Variants in RTN1 observed in about 807,000 individuals in gnomAD.
RTN1 encodes reticulon 1.
A neutral mutation model predicts 65.5 loss-of-function variants in RTN1; 25 were observed. The ratio of observed to expected loss-of-function variants is 0.38; its 90% confidence interval spans 0.28 to 0.53. RTN1 has a LOEUF of 0.53. Among genes scored for constraint, RTN1 ranks in the 20% least tolerant of loss-of-function variants. The pLI is 0.79. For missense variants in RTN1, 983 were observed against 1,025.4 expected (o/e 0.96, Z 0.57); for synonymous variants, 471 against 447.6 (o/e 1.05, Z -0.66).
chr14:59,645,626 C>T (rs1392776979), intron 3 of RTN1, among the ~76,000 whole-genome samples: 4 of 152,150 alleles, frequency 2.6e-5, no homozygotes, highest in African/African-American at 9.7e-5. Flanking sequence ...AGCCCTCACC[C>T]TTCTTGTCTC....
intron 3 of RTN1, among the ~76,000 whole-genome samples, chr14:59,705,403 T>G (rs1222532075): frequency 6.6e-6 from 1 of 152,190 alleles, no homozygotes; most frequent in Non-Finnish European, 1.5e-5. Context: ...CACTTACTAC[T>G]TGCTTCTCTC....
chr14:59,785,405 T>C (rs367831633), intron 1 of RTN1, among the ~76,000 whole-genome samples: 57 of 152,314 alleles, frequency 3.7e-4, no homozygotes, highest in African/African-American at 1.3e-3. Context: ...TTACTAAAAC[T>C]CATAAGAAAA....
At chr14:59,703,548 A>G (rs1396250278) in intron 3 of RTN1, among the ~76,000 whole-genome samples, 1 of 152,188 alleles carries the variant, frequency 6.6e-6, no homozygotes, top group Admixed American at 6.5e-5. Flanking sequence ...CTGCAGAACC[A>G]TGAGTCAATA....
At chr14:59,813,195 G>A (rs2139615488) in intron 1 of RTN1, among the ~76,000 whole-genome samples, 1 of 152,216 alleles carries the variant, frequency 6.6e-6, no homozygotes, top group Middle Eastern at 3.4e-3. Context: ...AGTTGGAAAT[G>A]ATTTCATTAT....
chr14:59,741,022 T>C (rs1397683365), intron 2 of RTN1, among the ~76,000 whole-genome samples: 1 of 152,164 alleles, frequency 6.6e-6, no homozygotes, highest in Non-Finnish European at 1.5e-5. Flanking sequence ...ACATGGGCTA[T>C]TTTAGTAAGT....
chr14:59,861,603 G>T (rs1887711168), intron 1 of RTN1, among the ~76,000 whole-genome samples: 2 of 152,044 alleles, frequency 1.3e-5, no homozygotes, highest in Admixed American at 1.3e-4. Flanking sequence ...CCTGGCTTTT[G>T]CTTGAACATC....
At chr14:59,847,244 T>C (rs962760036) in intron 1 of RTN1, among the ~76,000 whole-genome samples, 2 of 152,230 alleles carry the variant, frequency 1.3e-5, no homozygotes, top group Non-Finnish European at 2.9e-5. Context: ...CTTAAACCTT[T>C]ATATCCACAA....
chr14:59,721,906 T>G (rs1346660721), intron 3 of RTN1, among the ~76,000 whole-genome samples: 1 of 152,200 alleles, frequency 6.6e-6, no homozygotes, highest in Admixed American at 6.5e-5. Flanking sequence ...ATGATTTTGT[T>G]GCTCTCCAAT....
At chr14:59,814,596 A>G (rs529270299) in intron 1 of RTN1, among the ~76,000 whole-genome samples, 8 of 152,308 alleles carry the variant, frequency 5.3e-5, no homozygotes, top group Admixed American at 5.2e-4. Flanking sequence ...TTTTGCAAAC[A>G]ATAGTGTATC....
chr14:59,844,252 G>T (rs1036435734), intron 1 of RTN1, among the ~76,000 whole-genome samples: 2 of 152,162 alleles, frequency 1.3e-5, no homozygotes, highest in Admixed American at 1.3e-4. Context: ...ACTAAGAAGC[G>T]GCACCTTAAA....
chr14:59,622,661 A>G (rs1361501514), intron 3 of RTN1, among the ~76,000 whole-genome samples: 1 of 152,256 alleles, frequency 6.6e-6, no homozygotes, highest in African/African-American at 2.4e-5. Flanking sequence ...AATTTTTCCT[A>G]CTTTAATCTT....
chr14:59,682,410 C>A (rs1883764041), intron 3 of RTN1, among the ~76,000 whole-genome samples: 1 of 152,128 alleles, frequency 6.6e-6, no homozygotes, highest in Non-Finnish European at 1.5e-5. Context: ...ACTACTTCTG[C>A]CCCCACAGAA....
At chr14:59,654,625 T>C (rs1263202752) in intron 3 of RTN1, among the ~76,000 whole-genome samples, 1 of 151,626 alleles carries the variant, frequency 6.6e-6, no homozygotes, top group Non-Finnish European at 1.5e-5. Context: ...AAAGGATACA[T>C]CATGATTAGG....
At chr14:59,636,096 T>G (rs1221499078) in intron 3 of RTN1, among the ~76,000 whole-genome samples, 1 of 152,182 alleles carries the variant, frequency 6.6e-6, no homozygotes, top group Admixed American at 6.5e-5. Flanking sequence ...AAAGAAAATC[T>G]AAATACATAG....
At chr14:59,694,665 C>T (rs1479926045) in intron 3 of RTN1, among the ~76,000 whole-genome samples, 2 of 152,148 alleles carry the variant, frequency 1.3e-5, no homozygotes, top group Non-Finnish European at 2.9e-5. Context: ...CTGTTATATT[C>T]TTATACCTTC....
chr14:59,630,730 G>T (rs539133378), intron 3 of RTN1: 20 of 1,109,346 alleles, frequency 1.8e-5, no homozygotes, highest in Non-Finnish European at 2.1e-5. Context: ...CCGCCTGCGC[G>T]CATGGGGATG....
At chr14:59,607,202 TC>T (rs1881785617) in intron 4 of RTN1, 82 bp downstream of exon 4, 2 of 1,223,372 alleles carry the variant, frequency 1.6e-6, no homozygotes, top group Admixed American at 3.8e-5. Context: ...GAAACATGAC[TC>T]AAGTGCATCT....
chr14:59,861,735 G>A (rs954397563), intron 1 of RTN1, among the ~76,000 whole-genome samples: 2 of 151,912 alleles, frequency 1.3e-5, no homozygotes, highest in African/African-American at 4.8e-5. Context: ...AAATCAGCTG[G>A]GTCAAGTCTT....
intron 1 of RTN1, among the ~76,000 whole-genome samples, chr14:59,815,463 T>TC (rs1345437016): frequency 1.3e-5 from 2 of 152,108 alleles, no homozygotes; most frequent in Non-Finnish European, 2.9e-5. Flanking sequence ...GAATCCCAAA[T>TC]CCCCCTACAG....
Sources: allele counts gnomAD v4.1 joint callset (sites outside exome capture counted in the v4.1 genomes callset), GRCh38; gene constraint gnomAD v4.1.1; transcripts MANE v1.5; gene names NCBI Gene and HGNC (gene_info 2026-07-23, HGNC 2026-07-21).